The following SND1 variants were observed in gnomAD, a reference collection of about 807,000 sequenced individuals.
SND1 encodes the protein staphylococcal nuclease domain-containing protein 1.
SND1 carries 38 observed loss-of-function variants against 121.7 expected under a neutral mutation model. That is an observed-to-expected ratio of 0.31 (90% confidence interval 0.24 to 0.41). SND1 has a LOEUF of 0.41. SND1 is among the 10% of genes least tolerant of loss of function. The pLI, the probability that SND1 is intolerant of heterozygous loss-of-function variation, is 1.00. For synonymous variants in SND1, 401 were observed against 447.4 expected (o/e 0.90, Z 1.31); for missense variants, 868 against 1,184.6 (o/e 0.73, Z 3.92).
chr7:128,090,694 C>G (rs1424912730), intron 22 of SND1, among the ~76,000 whole-genome samples: 1 of 152,190 alleles, frequency 6.6e-6, no homozygotes, highest in African/African-American at 2.4e-5. Flanking sequence ...CCCTCCTGGC[C>G]TTTCCTCTCT....
At chr7:127,698,011 C>T (rs1195100203) in intron 3 of SND1, among the ~76,000 whole-genome samples, 2 of 152,148 alleles carry the variant, frequency 1.3e-5, no homozygotes, top group Non-Finnish European at 2.9e-5. Flanking sequence ...TAAGAGAAAA[C>T]ACTGAGCCTG....
chr7:127,697,057 T>G (rs1176104909), intron 3 of SND1, among the ~76,000 whole-genome samples: 3 of 152,238 alleles, frequency 2.0e-5, no homozygotes, highest in Admixed American at 2.0e-4. Flanking sequence ...TACCCACTTT[T>G]TTTTATGATG....
chr7:127,707,503 G>T (rs1416090788), intron 8 of SND1, 54 bp from the exon 9 acceptor site: 1 of 1,432,366 alleles, frequency 7.0e-7, no homozygotes, highest in Non-Finnish European at 9.9e-7. Context: ...CCATGGTAGT[G>T]GTGGATTCCA....
chr7:127,915,808 G>A (rs577954180), intron 14 of SND1, among the ~76,000 whole-genome samples: 11 of 152,298 alleles, frequency 7.2e-5, no homozygotes, highest in African/African-American at 2.4e-4. Context: ...GTATACAAAG[G>A]TCCTGAGGTG....
chr7:127,856,775 C>T (rs779957074), intron 12 of SND1, among the ~76,000 whole-genome samples: 6 of 152,334 alleles, frequency 3.9e-5, no homozygotes, highest in Non-Finnish European at 5.9e-5. Flanking sequence ...TTACAGTTCT[C>T]ATACCATCCC....
At chr7:127,793,953 T>C (rs1797963022) in intron 10 of SND1, among the ~76,000 whole-genome samples, 1 of 152,054 alleles carries the variant, frequency 6.6e-6, no homozygotes, top group Non-Finnish European at 1.5e-5. Flanking sequence ...AGGCATGCTA[T>C]ATATATATAA....
intron 1 of SND1, among the ~76,000 whole-genome samples, chr7:127,672,048 A>G (rs1045094033): frequency 6.6e-6 from 1 of 152,358 alleles, no homozygotes; most frequent in Middle Eastern, 3.4e-3. Context: ...GTGCGTGTAC[A>G]TGCCTGTAAA....
chr7:127,691,203 A>G (rs545322331), intron 2 of SND1, among the ~76,000 whole-genome samples: 1 of 144,180 alleles, frequency 6.9e-6, no homozygotes, highest in African/African-American at 2.4e-5. Context: ...CATTCCCCAA[A>G]ACCTATTGAA....
intron 11 of SND1, among the ~76,000 whole-genome samples, chr7:127,817,721 CTTTTT>C (rs72233818): frequency 8.4e-4 from 87 of 104,086 alleles, no homozygotes; most frequent in Non-Finnish European, 1.4e-3. Context: ...TTCCTTCATA[CTTTTT>C]TTTTTTTTTT....
At chr7:128,087,137 G>A in intron 21 of SND1, 86 bp downstream of exon 21, 1 of 991,906 alleles carries the variant, frequency 1.0e-6, no homozygotes, top group Admixed American at 2.1e-5. Flanking sequence ...GACAGGAGAA[G>A]ATGGAAACTA....
At chr7:127,907,220 G>T (rs561589304) in intron 14 of SND1, among the ~76,000 whole-genome samples, 2 of 152,102 alleles carry the variant, frequency 1.3e-5, no homozygotes, top group Non-Finnish European at 2.9e-5. Flanking sequence ...GAGGAGTTTT[G>T]TCTTTTCCCA....
At chr7:128,070,775 A>G (rs974718436) in intron 16 of SND1, among the ~76,000 whole-genome samples, 1 of 152,230 alleles carries the variant, frequency 6.6e-6, no homozygotes, top group African/African-American at 2.4e-5. Flanking sequence ...GTGTCTATAC[A>G]GTATACAGTC....
chr7:127,790,068 G>GA (rs1202411133), intron 10 of SND1, among the ~76,000 whole-genome samples: 6 of 152,162 alleles, frequency 3.9e-5, no homozygotes, highest in African/African-American at 1.2e-4. Context: ...CCTGGTCTTG[G>GA]GTTGTGTTCA....
At chr7:127,880,343 T>A (rs1799767160) in intron 12 of SND1, among the ~76,000 whole-genome samples, 1 of 152,144 alleles carries the variant, frequency 6.6e-6, no homozygotes, top group Non-Finnish European at 1.5e-5. Context: ...TAGGAAAAAA[T>A]ACAGAGTTCA....
intron 10 of SND1, among the ~76,000 whole-genome samples, chr7:127,747,205 CTG>C (rs1796997862): frequency 6.6e-6 from 1 of 152,180 alleles, no homozygotes. Context: ...ACAAACATCT[CTG>C]TTCCTTTGAA....
intron 10 of SND1, among the ~76,000 whole-genome samples, chr7:127,773,450 T>G (rs1056966197): frequency 7.0e-6 from 1 of 143,146 alleles, no homozygotes; most frequent in African/African-American, 2.6e-5. Flanking sequence ...AGACTCCGTC[T>G]CAAAAAAAAA....
At chr7:127,888,049 C>A in intron 13 of SND1, 37 bp downstream of exon 13, 1 of 1,443,132 alleles carries the variant, frequency 6.9e-7, no homozygotes, top group Non-Finnish European at 9.7e-7. Flanking sequence ...GGGGAACCCA[C>A]ACCCTCACTT....
At chr7:128,025,692 A>G (rs1803459832) in intron 16 of SND1, among the ~76,000 whole-genome samples, 1 of 152,188 alleles carries the variant, frequency 6.6e-6, no homozygotes, top group South Asian at 2.1e-4. Context: ...TAGCAAAGGA[A>G]GGTTACTGCT....
intron 15 of SND1, among the ~76,000 whole-genome samples, chr7:127,955,935 G>A (rs994545678): frequency 6.6e-6 from 1 of 152,084 alleles, no homozygotes; most frequent in African/African-American, 2.4e-5. Flanking sequence ...CCCACCATCC[G>A]CTCTTCCTGA....
Sources: allele counts gnomAD v4.1 joint callset (sites outside exome capture counted in the v4.1 genomes callset), GRCh38; gene constraint gnomAD v4.1.1; transcripts MANE v1.5; gene names NCBI Gene and HGNC (gene_info 2026-07-23, HGNC 2026-07-21).